SLC28A1: variants seen among roughly 807,000 people sequenced by gnomAD.
SLC28A1 encodes sodium/nucleoside cotransporter 1.
In SLC28A1, 64 loss-of-function variants were observed where a neutral mutation model predicts 74.8. The ratio of observed to expected loss-of-function variants is 0.86; its 90% CI spans 0.70 to 1.05. SLC28A1 has a LOEUF of 1.05. Among genes scored for constraint, SLC28A1 ranks in the 50% least tolerant of loss-of-function variants. SLC28A1 has a pLI of 0.00. For synonymous variants in SLC28A1, 359 were observed against 335.0 expected (o/e 1.07, Z -0.78); for missense variants, 828 against 822.8 (o/e 1.01, Z -0.08).
downstream of SLC28A1, among the ~76,000 whole-genome samples, chr15:84,946,616 A>G (rs571997800): frequency 1.3e-4 from 20 of 152,156 alleles, no homozygotes; most frequent in Admixed American, 3.9e-4. Context: ...GCCCCTCCTC[A>G]TGCATCTTCT....
At chr15:84,915,368 T>C (rs12440771) in intron 9 of SLC28A1, among the ~76,000 whole-genome samples, 14,121 of 152,218 alleles carry the variant, frequency 0.093, 1,400 homozygotes, top group East Asian at 0.52. Context: ...AGAATCTCCA[T>C]TCTCTTCAGG....
chr15:84,909,266 C>T (rs886459697), intron 9 of SLC28A1, among the ~76,000 whole-genome samples: 3 of 152,156 alleles, frequency 2.0e-5, no homozygotes, highest in Admixed American at 6.5e-5. Flanking sequence ...AGGAAGCCAG[C>T]CCTTACTAGT....
intron 3 of SLC28A1, among the ~76,000 whole-genome samples, chr15:84,888,093 A>G (rs1173261321): frequency 6.6e-6 from 1 of 152,174 alleles, no homozygotes; most frequent in Admixed American, 6.5e-5. Flanking sequence ...TGTGCACTAT[A>G]GTCTGAAAGT....
At chr15:84,912,595 T>C (rs1968420017) in intron 9 of SLC28A1, among the ~76,000 whole-genome samples, 1 of 152,058 alleles carries the variant, frequency 6.6e-6, no homozygotes, top group Non-Finnish European at 1.5e-5. Context: ...CTCCCCTGGG[T>C]CTGGCTGACC....
chr15:84,885,054 G>A lies in SLC28A1; in HGVS notation c.-133+303G>A, dbSNP rs531765250. ...GCTCACTGCAGCCTCCACCTCTCGGGTTCAAGCAATTCTCCTGCCTCAGCC... is the reference window on the plus strand; with the variant it reads ...GCTCACTGCAGCCTCCACCTCTCGGATTCAAGCAATTCTCCTGCCTCAGCC... On this transcript the variant is annotated intron_variant, in intron 1 of 18. Coordinates refer to ENST00000394573, the MANE Select transcript of SLC28A1 (RefSeq NM_004213.5). Among the ~76,000 whole-genome samples, 304 of 152,244 alleles carry A rather than the reference G, an allele frequency of 2.0e-3. 2 individuals are homozygous for A. Among genetic ancestry groups the A allele is most frequent in the Non-Finnish European group, 3.6e-3 (246 of 68,002 alleles).
At chr15:84,914,304 CCAAAGGCTCCACCTCCTA>C (rs1968764825) in intron 9 of SLC28A1, among the ~76,000 whole-genome samples, 1 of 152,198 alleles carries the variant, frequency 6.6e-6, no homozygotes, top group Admixed American at 6.5e-5. Context: ...CTAATCACCC[CCAAAGGCTCCACCTCCTA>C]ATACCATCAC....
intron 10 of SLC28A1, among the ~76,000 whole-genome samples, chr15:84,920,598 T>C (rs1300996678): frequency 6.6e-6 from 1 of 152,164 alleles, no homozygotes; most frequent in East Asian, 1.9e-4. Flanking sequence ...GGTCAAATAA[T>C]TTAGGGAAAC....
rs192969601 is a variant in SLC28A1 at position 84,907,417 on chromosome 15, T to A, written c.718-1301T>A. Among the ~76,000 whole-genome samples the A allele has an allele frequency of 1.8e-4, 27 of 152,370 alleles. No individual in the cohort carries two copies. The East Asian group carries it at 4.6e-3, about 26-fold the overall frequency. On this transcript the variant is annotated intron_variant, in intron 8 of 18. Transcript: ENST00000394573. ...CAAGGCTGGTCTTGAAGTCCTGGGC[T>A]CAAGTAATCTGCCCGCCTTGGCCTC...
chr15:84,948,098 G>T (rs533145785), downstream of SLC28A1, among the ~76,000 whole-genome samples: 66 of 152,176 alleles, frequency 4.3e-4, no homozygotes, highest in Non-Finnish European at 7.9e-4. Flanking sequence ...ACATGCCAAG[G>T]TCTGTGAGTT....
At chr15:84,936,874 G>A (rs962439589) in intron 15 of SLC28A1, among the ~76,000 whole-genome samples, 4 of 151,964 alleles carry the variant, frequency 2.6e-5, no homozygotes, top group Admixed American at 2.6e-4. Context: ...GCAACATAAT[G>A]AGCCCCTGTC....
intron 9 of SLC28A1, among the ~76,000 whole-genome samples, chr15:84,917,685 T>C (rs79286515): frequency 0.029 from 4,403 of 152,278 alleles, 216 homozygotes; most frequent in African/African-American, 0.098. Flanking sequence ...CAGCTGCCCA[T>C]AGAGAGCTTC....
chr15:84,905,390 G>A (rs1047739250), intron 7 of SLC28A1, 149 bp from the exon 8 acceptor site: 2 of 671,870 alleles, frequency 3.0e-6, no homozygotes, highest in Non-Finnish European at 5.5e-6. Context: ...ATCCCAGGGA[G>A]GGTGTGACCA....
At chr15:84,964,851 G>A in the SLC28A1 span, among the ~76,000 whole-genome samples, 1 of 152,246 alleles carries the variant, frequency 6.6e-6, no homozygotes, top group African/African-American at 2.4e-5. Flanking sequence ...GGCCCATGCT[G>A]TAGCTGCAAG....
At chr15:84,909,450 A>G (rs1967808413) in intron 9 of SLC28A1, among the ~76,000 whole-genome samples, 1 of 152,242 alleles carries the variant, frequency 6.6e-6, no homozygotes, top group Admixed American at 6.5e-5. Flanking sequence ...TCTGTTTCAA[A>G]GACCTTATTG....
rs1054587787 is a variant in SLC28A1 at position 84,933,762 on chromosome 15, G to A, written c.1214+487G>A. ...GGCTGAGGCAGGCAAATCACTTAAG[G>A]TCAGGAGTTCAAGACCAGCCTGGCC... On this transcript the variant is annotated intron_variant, in intron 13 of 18. Coordinates refer to ENST00000394573, the MANE Select transcript of SLC28A1 (RefSeq NM_004213.5). Among the ~76,000 whole-genome samples, 9 of 152,256 alleles carry A rather than the reference G, an allele frequency of 5.9e-5. No individual in the cohort carries two copies. In the South Asian group the frequency reaches 1.5e-3, roughly 25 times the overall value.
intron 6 of SLC28A1, among the ~76,000 whole-genome samples, chr15:84,899,572 T>C (rs56690118): frequency 0.15 from 22,969 of 151,968 alleles, 1,952 homozygotes; most frequent in African/African-American, 0.22. Flanking sequence ...TTGTCAAAAA[T>C]GAGTGAGAAA....
chr15:84,935,140 T>G lies in SLC28A1; in HGVS notation c.1329T>G (p.Asn443Lys). The G allele has an allele frequency of 6.2e-7, 1 of 1,614,192 alleles. No individual in the cohort carries two copies. Among genetic ancestry groups the G allele is most frequent in the Admixed American group, 1.7e-5 (1 of 60,022 alleles). Reference protein sequence around the residue: ...IAFLAVLDFINAALSWLGDMV... With the variant: ...IAFLAVLDFIKAALSWLGDMV... The stretch of plus-strand genomic sequence containing the variant: ...TCCTGGCTGTGCTGGACTTTATCAA[T>G]GCTGCCCTCTCCTGGCTGGGAGACA... Residue 443 changes from asparagine to lysine, a missense_variant, in exon 14 of 19, where the codon AAT (asparagine) becomes AAG (lysine). Asn to Lys is a moderately conservative substitution (Grantham distance 94). Transcript: ENST00000394573.
the SLC28A1 span, among the ~76,000 whole-genome samples, chr15:84,970,613 G>GT: frequency 2.0e-5 from 3 of 152,126 alleles, no homozygotes; most frequent in Non-Finnish European, 2.9e-5. Flanking sequence ...GCAGTCGGGG[G>GT]TAAATTTGGT....
the SLC28A1 span, among the ~76,000 whole-genome samples, chr15:84,956,472 T>TTTCTTTCTTTCTTTCTTTCTTTCC: frequency 1.1e-3 from 85 of 77,698 alleles, no homozygotes; most frequent in East Asian, 0.016. Context: ...TCTTTCCTTC[T>TTTCTTTCTTTCTTTCTTTCTTTCC]TTCTTTCTTT....
Sources: allele counts gnomAD v4.1 joint callset (sites outside exome capture counted in the v4.1 genomes callset), GRCh38; gene constraint gnomAD v4.1.1; transcripts MANE v1.5; gene names NCBI Gene and HGNC (gene_info 2026-07-23, HGNC 2026-07-21).